The following DECR1 variants were observed in gnomAD, a reference collection of about 807,000 sequenced individuals.
DECR1 encodes the protein 2,4-dienoyl-CoA reductase [(3E)-enoyl-CoA-producing], mitochondrial.
A neutral mutation model predicts 38.8 loss-of-function variants in DECR1; 44 were observed. That is an observed-to-expected ratio of 1.13 (90% CI 0.89 to 1.46). The LOEUF is 1.46. Among genes scored for constraint, DECR1 ranks in the 40% most tolerant of loss-of-function variants. The probability of loss-of-function intolerance (pLI) is 0.00; values close to 1 mark genes in which losing one functional copy is unlikely to be tolerated. For synonymous variants in DECR1, 148 were observed against 135.2 expected, an observed-to-expected ratio of 1.09 and a Z score of -0.66; for missense variants, 428 against 405.5, an observed-to-expected ratio of 1.06 and a Z score of -0.48.
In DECR1 at chr8:90,042,736, C is replaced by A. The variant is rs1047701092; in HGVS notation, c.674C>A (p.Ala225Glu). ...TTGATTTTAATTTTTAGGTCTCTTG[C>A]AGCTGAATGGGGTAAATATGGAATG... ...AGVEAMSKSL[A>E]AEWGKYGMRF... Residue 225 changes from alanine (A) to glutamate (E), a missense_variant, in exon 7 of 10, where the codon GCA becomes GAA. Coordinates refer to ENST00000220764, the MANE Select transcript of DECR1 (RefSeq NM_001359.2). The A allele has an allele frequency of 5.0e-6, 8 of 1,612,966 alleles. No homozygotes were observed. Among genetic ancestry groups the A allele is most frequent in the Non-Finnish European group, 6.8e-6 (8 of 1,179,360 alleles).
chr8:90,025,396 A>G (rs186782016), intron 5 of DECR1, among the ~76,000 whole-genome samples: 6,491 of 151,938 alleles, frequency 0.043, 271 homozygotes, highest in East Asian at 0.19. Context: ...CTTTTATTTC[A>G]TTGAGCAGTG....
intron 5 of DECR1, among the ~76,000 whole-genome samples, chr8:90,034,246 T>C (rs1563645178): frequency 6.6e-6 from 1 of 152,192 alleles, no homozygotes; most frequent in Admixed American, 6.5e-5. Flanking sequence ...CAAAATACTT[T>C]CCTTGTAGTC....
intron 1 of DECR1, among the ~76,000 whole-genome samples, chr8:90,004,582 A>G (rs919150772): frequency 1.3e-5 from 2 of 152,132 alleles, no homozygotes; most frequent in African/African-American, 2.4e-5. Context: ...CTTAGTCAAC[A>G]TTGTTTCATT....
intron 6 of DECR1, among the ~76,000 whole-genome samples, chr8:90,040,136 G>T (rs1487586259): frequency 6.6e-6 from 1 of 152,134 alleles, no homozygotes; most frequent in Non-Finnish European, 1.5e-5. Context: ...TTAACAGGTT[G>T]CTCAGTTTTT....
intron 8 of DECR1, among the ~76,000 whole-genome samples, chr8:90,045,738 A>G (rs559753599): frequency 6.6e-6 from 1 of 152,312 alleles, no homozygotes; most frequent in Non-Finnish European, 1.5e-5. Flanking sequence ...TGGCCCCTCA[A>G]CTGGGCCCTT....
intron 5 of DECR1, among the ~76,000 whole-genome samples, chr8:90,022,039 C>G (rs928066245): frequency 2.6e-5 from 4 of 152,104 alleles, no homozygotes; most frequent in East Asian, 1.9e-4. Flanking sequence ...TACTCATGCT[C>G]AAAGCACAGA....
intron 5 of DECR1, among the ~76,000 whole-genome samples, chr8:90,021,386 G>GTATT (rs1283505054): frequency 6.6e-6 from 1 of 152,144 alleles, no homozygotes; most frequent in African/African-American, 2.4e-5. Context: ...GAATGTCAAT[G>GTATT]GATAGAGGCC....
At chr8:90,006,555 C>T (rs1361900568) in intron 1 of DECR1, among the ~76,000 whole-genome samples, 2 of 152,140 alleles carry the variant, frequency 1.3e-5, no homozygotes, top group Non-Finnish European at 2.9e-5. Context: ...ATCCTCTCAT[C>T]TGTTGAGAGG....
rs111302878 is a variant in DECR1 at position 90,019,671 on chromosome 8, G to A, written c.417+499G>A. The stretch of plus-strand genomic sequence containing the variant: ...AGGGGGTGCTTTCATCCAGGACCTG[G>A]TTTAACTAGTCCTCATTCTGGTCCT... On this transcript the variant is annotated intron_variant, in intron 4 of 9. Transcript: ENST00000220764. Among the ~76,000 whole-genome samples the A allele has an allele frequency of 2.4e-3, 369 of 152,268 alleles. 3 individuals are homozygous for A. Among genetic ancestry groups the A allele is most frequent in the African/African-American group, 7.7e-3 (321 of 41,558 alleles).
intron 4 of DECR1, 47 bp downstream of exon 4, chr8:90,019,219 A>C (rs769505978): frequency 7.0e-7 from 1 of 1,423,656 alleles, no homozygotes; most frequent in African/African-American, 1.4e-5. Flanking sequence ...CTTGATGTTG[A>C]TAACACCCAC....
rs531301962 is a variant in DECR1, at chr8:90,021,387, G to C, written c.565+331G>C. Among the ~76,000 whole-genome samples the C allele has an allele frequency of 3.3e-5, 5 of 152,260 alleles. No homozygotes were observed. In the South Asian group the frequency reaches 8.3e-4, roughly 25 times the overall value. On this transcript the variant is annotated intron_variant, in intron 5 of 9. Transcript: ENST00000220764. The stretch of plus-strand genomic sequence containing the variant: ...GGGAAAGGACATGTGAATGTCAATG[G>C]ATAGAGGCCTGGTGGAGAGGAGGAC...
chr8:90,047,583 T>C (rs1358385195), intron 8 of DECR1, among the ~76,000 whole-genome samples: 1 of 152,122 alleles, frequency 6.6e-6, no homozygotes, highest in Non-Finnish European at 1.5e-5. Flanking sequence ...ACAATAATAA[T>C]GGGAGACTTT....
At chr8:90,018,719 A>G (rs1813070880) in intron 2 of DECR1, 190 bp from the exon 3 acceptor site, 4 of 526,290 alleles carry the variant, frequency 7.6e-6, no homozygotes, top group Non-Finnish European at 1.4e-5. Flanking sequence ...GACTAATTCA[A>G]TAAGTTAGTA....
chr8:90,025,947 G>C (rs948761810), intron 5 of DECR1, among the ~76,000 whole-genome samples: 1 of 152,134 alleles, frequency 6.6e-6, no homozygotes, highest in Non-Finnish European at 1.5e-5. Flanking sequence ...GTTGAATTTT[G>C]TCGAAGGCCT....
rs201192370 is a variant in DECR1, at chr8:90,048,709, G to A, written c.886-2968G>A. ...TATGAGGCCAGCATCATCCTGATAC[G>A]AAAGCCTGGCAGAGATACAACAACA... On this transcript the variant is annotated intron_variant, in intron 8 of 9. Coordinates refer to ENST00000220764, the MANE Select transcript of DECR1 (RefSeq NM_001359.2). Among the ~76,000 whole-genome samples the A allele has an allele frequency of 2.2e-4, 34 of 152,158 alleles. 1 individual carries two copies. In the South Asian group the frequency reaches 5.6e-3, roughly 25 times the overall value.
intron 1 of DECR1, among the ~76,000 whole-genome samples, chr8:90,012,300 A>T (rs919820739): frequency 6.6e-6 from 1 of 151,608 alleles, no homozygotes. Flanking sequence ...CTACAGGCGC[A>T]TGCCACCACG....
At position 90,051,728 on chromosome 8, in the gene DECR1, G is replaced by C; in HGVS notation, c.937G>C (p.Asp313His). The change falls in exon 9 of 10, where the codon GAC (aspartate) becomes CAC (histidine). Residue 313 changes from aspartate (D) to histidine (H), a missense_variant. By Grantham distance (81) the Asp-to-His change is moderately conservative. Coordinates refer to ENST00000220764, the MANE Select transcript of DECR1 (RefSeq NM_001359.2). ...EEVLISGEFN[D>H]LRKVTKEQWD... Reference sequence around the variant, plus strand: ...AGTACTTATTTCAGGGGAATTCAACGACCTGAGAAAGGTAATGCTTTTGTG... The same window carrying C: ...AGTACTTATTTCAGGGGAATTCAACCACCTGAGAAAGGTAATGCTTTTGTG... 6.2e-7 allele frequency: 1 copy of C among 1,613,172 alleles called. No individual in the cohort carries two copies. The highest frequency in any genetic ancestry group is 8.5e-7 in the Non-Finnish European group (1 of 1,179,784).
intron 5 of DECR1, among the ~76,000 whole-genome samples, chr8:90,029,017 A>G (rs992581111): frequency 1.3e-5 from 2 of 152,132 alleles, no homozygotes; most frequent in Non-Finnish European, 1.5e-5. Flanking sequence ...AACTATTACT[A>G]TTAAAATCGA....
chr8:90,038,223 A>G (rs1052955233), intron 6 of DECR1, among the ~76,000 whole-genome samples: 6 of 151,988 alleles, frequency 3.9e-5, no homozygotes, highest in Non-Finnish European at 1.5e-5. Flanking sequence ...GTTTCCCTAA[A>G]CTTACCATAC....
Sources: gnomAD v4.1 joint callset for allele counts (sites outside exome capture counted in the v4.1 genomes callset) on GRCh38, gnomAD v4.1.1 for gene constraint, MANE v1.5 for transcripts, NCBI Gene and HGNC (gene_info 2026-07-23, HGNC 2026-07-21) for gene names.